Variants in CSRNP3 observed in about 807,000 individuals in gnomAD.
The protein encoded by CSRNP3 is cysteine and serine rich nuclear protein 3, also known as cysteine/serine-rich nuclear protein 3.
CSRNP3 carries 12 observed loss-of-function variants against 48.0 expected under a neutral mutation model. The ratio of observed to expected loss-of-function variants is 0.25; its 90% confidence interval spans 0.16 to 0.41. CSRNP3 has a LOEUF of 0.41. Ranked by LOEUF, CSRNP3 falls within the 10% of genes least tolerant of loss-of-function variation. The pLI, the probability that CSRNP3 is intolerant of heterozygous loss-of-function variation, is 1.00. For synonymous variants in CSRNP3, 263 were observed against 269.7 expected (o/e 0.98, Z 0.24); for missense variants, 580 against 724.4 (o/e 0.80, Z 2.29).
chr2:165,479,130 A>G (rs1165416415), intron 1 of CSRNP3, among the ~76,000 whole-genome samples: 1 of 152,196 alleles, frequency 6.6e-6, no homozygotes. Flanking sequence ...CACAAATGAA[A>G]TGTCTTTTTT....
chr2:165,660,612 G>A (rs912442866), intron 5 of CSRNP3, among the ~76,000 whole-genome samples: 1 of 152,140 alleles, frequency 6.6e-6, no homozygotes, highest in Admixed American at 6.6e-5. Context: ...CAAACCTACA[G>A]CAACCTTCTC....
intron 3 of CSRNP3, among the ~76,000 whole-genome samples, chr2:165,562,255 T>A (rs1048178550): frequency 4.6e-5 from 7 of 152,048 alleles, no homozygotes; most frequent in African/African-American, 1.7e-4. Context: ...TTGAAGCACA[T>A]CTCTTCTGCA....
intron 5 of CSRNP3, among the ~76,000 whole-genome samples, chr2:165,669,470 C>T (rs1687293062): frequency 6.6e-6 from 1 of 152,046 alleles, no homozygotes; most frequent in Non-Finnish European, 1.5e-5. Context: ...ATGGTAAAAA[C>T]AAACAAAAAG....
intron 3 of CSRNP3, among the ~76,000 whole-genome samples, chr2:165,530,771 C>T (rs1684799703): frequency 6.6e-6 from 1 of 151,934 alleles, no homozygotes; most frequent in African/African-American, 2.4e-5. Context: ...TAAATATCTA[C>T]AAATTTGTGT....
chr2:165,592,810 T>TC (rs1685741447), intron 3 of CSRNP3, among the ~76,000 whole-genome samples: 1 of 145,996 alleles, frequency 6.8e-6, no homozygotes. Context: ...TCATTTTTTT[T>TC]TTTTTTTTTG....
intron 3 of CSRNP3, among the ~76,000 whole-genome samples, chr2:165,571,367 T>C (rs1685371260): frequency 6.6e-6 from 1 of 152,008 alleles, no homozygotes; most frequent in African/African-American, 2.4e-5. Context: ...ATCGATGTTT[T>C]AAAATAAGTT....
intron 3 of CSRNP3, among the ~76,000 whole-genome samples, chr2:165,582,486 T>G (rs1367165571): frequency 1.3e-5 from 2 of 151,984 alleles, no homozygotes; most frequent in Non-Finnish European, 2.9e-5. Flanking sequence ...AGTGAAGAAA[T>G]CCCCTGGAAA....
intron 3 of CSRNP3, among the ~76,000 whole-genome samples, chr2:165,547,427 C>G (rs1000971731): frequency 6.6e-6 from 1 of 152,114 alleles, no homozygotes; most frequent in Non-Finnish European, 1.5e-5. Context: ...TTCCCAGTCC[C>G]TTGCCAATAC....
intron 3 of CSRNP3, among the ~76,000 whole-genome samples, chr2:165,518,669 G>C (rs58014149): frequency 0.021 from 3,190 of 151,940 alleles, 109 homozygotes; most frequent in African/African-American, 0.073. Context: ...GATGATTTTT[G>C]ATGTGTTTAT....
At chr2:165,634,986 C>T (rs561296521) in intron 4 of CSRNP3, among the ~76,000 whole-genome samples, 42 of 152,316 alleles carry the variant, frequency 2.8e-4, no homozygotes, top group Admixed American at 5.2e-4. Context: ...GCTATTGAAT[C>T]CAGCCAGTGC....
chr2:165,672,356 C>T (rs557268003), intron 5 of CSRNP3, among the ~76,000 whole-genome samples: 18 of 152,302 alleles, frequency 1.2e-4, no homozygotes, highest in Admixed American at 7.2e-4. Context: ...CACAGTTCCA[C>T]GTGGCTGGGG....
chr2:165,592,950 C>T (rs1318187143), intron 3 of CSRNP3, among the ~76,000 whole-genome samples: 9 of 150,766 alleles, frequency 6.0e-5, no homozygotes, highest in East Asian at 2.0e-4. Context: ...TACAGGCGCC[C>T]GCCACTACGC....
At chr2:165,486,047 C>G (rs1472993650) in intron 1 of CSRNP3, among the ~76,000 whole-genome samples, 2 of 152,162 alleles carry the variant, frequency 1.3e-5, no homozygotes, top group African/African-American at 4.8e-5. Context: ...GTTCATCTCA[C>G]TAGGGAGTGC....
At chr2:165,558,699 T>A (rs1434259217) in intron 3 of CSRNP3, among the ~76,000 whole-genome samples, 1 of 152,114 alleles carries the variant, frequency 6.6e-6, no homozygotes, top group African/African-American at 2.4e-5. Flanking sequence ...TAATTACAAA[T>A]TAAAAAAATT....
chr2:165,494,147 A>G (rs1168543595), intron 1 of CSRNP3, among the ~76,000 whole-genome samples: 1 of 152,158 alleles, frequency 6.6e-6, no homozygotes, highest in African/African-American at 2.4e-5. Context: ...TATAAAATCT[A>G]TTCAGCCAAT....
At chr2:165,538,891 A>G (rs932571913) in intron 3 of CSRNP3, among the ~76,000 whole-genome samples, 1 of 151,962 alleles carries the variant, frequency 6.6e-6, no homozygotes, top group African/African-American at 2.4e-5. Flanking sequence ...CCAATTTTCA[A>G]GTAGTAAAAA....
In CSRNP3 at chr2:165,518,040, T is replaced by C. The variant is rs114624808; in HGVS notation, c.-24+79T>C. The C allele has an allele frequency of 7.4e-3, 1,135 of 152,420 alleles. 12 individuals carry two copies. The highest frequency in any genetic ancestry group is 0.025 in the Admixed American group (375 of 15,262). 9.4% of individuals were successfully genotyped at this position (152,420 alleles called of 1,614,324 possible). A position where few individuals can be genotyped will look rare whatever the true frequency, so the allele number is the denominator to read the frequency against. ...CTGTGCATCTGTTTCAAGTTTCTAA[T>C]GTGTAATTGGAAATGGTCTTACTTA... is the stretch of plus-strand genomic sequence containing the variant. On this transcript the variant is annotated intron_variant, in intron 3 of 6. Coordinates refer to ENST00000651982, the MANE Select transcript of CSRNP3 (RefSeq NM_001172173.2).
At chr2:165,548,924 A>G (rs1685064272) in intron 3 of CSRNP3, among the ~76,000 whole-genome samples, 2 of 151,968 alleles carry the variant, frequency 1.3e-5, no homozygotes, top group South Asian at 4.1e-4. Context: ...TAGTCTGGAT[A>G]AAAAGAATTA....
chr2:165,498,775 C>T (rs565359795), intron 2 of CSRNP3, among the ~76,000 whole-genome samples: 3 of 152,044 alleles, frequency 2.0e-5, no homozygotes, highest in Admixed American at 6.6e-5. Flanking sequence ...TCGCTCACAT[C>T]GTTTGAAGGA....
Sources: gnomAD v4.1 joint callset for allele counts (sites outside exome capture counted in the v4.1 genomes callset) on GRCh38, gnomAD v4.1.1 for gene constraint, MANE v1.5 for transcripts, NCBI Gene and HGNC (gene_info 2026-07-23, HGNC 2026-07-21) for gene names.